Variants in KIF1B observed in about 807,000 individuals in gnomAD.
KIF1B encodes kinesin family member 1B, also known as kinesin-like protein KIF1B.
Under a neutral mutation model 241.9 loss-of-function variants are expected in KIF1B, and 76 were observed. That is an observed-to-expected ratio of 0.31 (90% CI 0.26 to 0.38). The LOEUF (loss-of-function observed/expected upper bound fraction) is 0.38, where lower values mean the gene tolerates loss of function less well. Ranked by LOEUF, KIF1B falls within the 10% of genes least tolerant of loss-of-function variation. KIF1B has a pLI of 1.00. For missense variants in KIF1B, 1,622 were observed against 2,271.4 expected (o/e 0.71, Z 5.81); for synonymous variants, 750 against 796.7 (o/e 0.94, Z 0.99).
intron 15 of KIF1B, among the ~76,000 whole-genome samples, chr1:10,286,166 A>G (rs528657012): frequency 2.0e-5 from 3 of 152,062 alleles, no homozygotes; most frequent in Non-Finnish European, 2.9e-5. Context: ...CAGCCTTCTG[A>G]GAAGCTGGGA....
chr1:10,288,559 G>A (rs1200501425), intron 15 of KIF1B, among the ~76,000 whole-genome samples: 3 of 152,138 alleles, frequency 2.0e-5, no homozygotes, highest in Admixed American at 2.0e-4. Context: ...CCCAACTGCA[G>A]ACTTGTTCTA....
chr1:10,346,240 T>C (rs1652584871), intron 35 of KIF1B, among the ~76,000 whole-genome samples: 1 of 152,078 alleles, frequency 6.6e-6, no homozygotes, highest in Non-Finnish European at 1.5e-5. Context: ...AATTGATTTT[T>C]GGTGGTCTTG....
Position 10,295,649 on chromosome 1 carries a change from C to T in KIF1B, c.1671-11C>T. 1 of 1,611,530 alleles carries T rather than the reference C, an allele frequency of 6.2e-7. No homozygotes were observed. The highest frequency in any genetic ancestry group is 8.5e-7 in the Non-Finnish European group (1 of 1,178,138). On this transcript the variant is annotated splice_polypyrimidine_tract_variant and intron_variant, in intron 18 of 48. Transcript: ENST00000676179. ...TGAATTTCCCTGGGAAACACTTTCT[C>T]TTGTGTTCAGGGTTGGCCAAGCAGA...
chr1:10,261,364 G>A (rs979549211), intron 4 of KIF1B, among the ~76,000 whole-genome samples: 18 of 151,230 alleles, frequency 1.2e-4, no homozygotes, highest in African/African-American at 4.4e-4. Flanking sequence ...TCCGCCTCCT[G>A]GGTTCAAGCG....
chr1:10,308,252 G>C (rs1650922150), intron 22 of KIF1B: 4 of 1,060,518 alleles, frequency 3.8e-6, no homozygotes, highest in South Asian at 9.1e-5. Context: ...TGCAAAACAA[G>C]CATTTGTCCT....
intron 36 of KIF1B, among the ~76,000 whole-genome samples, chr1:10,348,264 C>G (rs1261874265): frequency 6.6e-6 from 1 of 151,972 alleles, no homozygotes; most frequent in Non-Finnish European, 1.5e-5. Context: ...AGTCAGTGTT[C>G]AAAAGTACTT....
At position 10,307,628 on chromosome 1, in the gene KIF1B, G is replaced by A. The variant is rs141358777; in HGVS notation, c.2115+10382G>A. 306 of 1,013,674 alleles carry A rather than the reference G, an allele frequency of 3.0e-4. 3 individuals are homozygous for A. In the African/African-American group the frequency reaches 4.9e-3, roughly 16 times the overall value. 62.8% of individuals were successfully genotyped at this position (1,013,674 alleles called of 1,614,324 possible). A position where few individuals can be genotyped will look rare whatever the true frequency, so the allele number is the denominator to read the frequency against. ...CCTGGCCTGTTTGTTTTTTTAACAT[G>A]ATTTTTCTCTAAGCTTAAATACCAC... On this transcript the variant is annotated intron_variant, in intron 22 of 48. Coordinates refer to ENST00000676179, the MANE Select transcript of KIF1B (RefSeq NM_001365951.3).
intron 22 of KIF1B, among the ~76,000 whole-genome samples, chr1:10,298,459 A>G (rs1234663152): frequency 6.6e-6 from 1 of 152,238 alleles, no homozygotes; most frequent in Admixed American, 6.5e-5. Context: ...AGCCCTAAAA[A>G]GAATGGATTG....
intron 5 of KIF1B, among the ~76,000 whole-genome samples, chr1:10,262,466 C>G (rs1053860757): frequency 1.4e-4 from 22 of 152,264 alleles, no homozygotes; most frequent in African/African-American, 5.3e-4. Context: ...AATCTTTGTT[C>G]ATAAGTCTGT....
chr1:10,232,779 GT>G (rs1024186040), intron 2 of KIF1B, among the ~76,000 whole-genome samples: 11 of 152,114 alleles, frequency 7.2e-5, no homozygotes, highest in African/African-American at 2.7e-4. Flanking sequence ...AAGATTCATT[GT>G]TTTTCTTTCT....
intron 9 of KIF1B, among the ~76,000 whole-genome samples, chr1:10,272,708 G>T (rs1648867308): frequency 6.7e-6 from 1 of 148,638 alleles, no homozygotes; most frequent in African/African-American, 2.5e-5. Flanking sequence ...TGATTTGAGG[G>T]CCAGTAGTTT....
chr1:10,338,399 A>G (rs546496226), intron 31 of KIF1B, among the ~76,000 whole-genome samples: 2 of 152,358 alleles, frequency 1.3e-5, no homozygotes, highest in South Asian at 4.1e-4. Flanking sequence ...TAAGCCACTA[A>G]TATCATTTGC....
chr1:10,323,535 T>A (rs913309355), intron 24 of KIF1B, among the ~76,000 whole-genome samples: 2 of 152,062 alleles, frequency 1.3e-5, no homozygotes, highest in African/African-American at 2.4e-5. Flanking sequence ...GATGGTAGGA[T>A]CACCTGAGCC....
intron 5 of KIF1B, among the ~76,000 whole-genome samples, chr1:10,266,092 G>C (rs1211328859): frequency 6.6e-6 from 1 of 152,168 alleles, no homozygotes; most frequent in Non-Finnish European, 1.5e-5. Context: ...CTAGTTCAGA[G>C]CCTTGTTTGC....
chr1:10,374,811 T>A lies in KIF1B; in HGVS notation c.5097-43T>A. 6.3e-7 allele frequency: 1 copy of A among 1,586,574 alleles called. No individual in the cohort carries two copies. Among genetic ancestry groups the A allele is most frequent in the Non-Finnish European group, 8.7e-7 (1 of 1,155,166 alleles). On this transcript the variant is annotated intron_variant, in intron 46 of 48. Coordinates refer to ENST00000676179, the MANE Select transcript of KIF1B (RefSeq NM_001365951.3). The surrounding 1 kb of genome is among the most constrained non-coding windows in gnomAD (Gnocchi z 4.3). ...TTGATGGTCCTCAGCACGATTATTT[T>A]CTTTTTGTGAGAAACTAACTTTTGT...
chr1:10,240,154 A>C (rs1196912466), intron 2 of KIF1B, among the ~76,000 whole-genome samples: 3 of 151,796 alleles, frequency 2.0e-5, no homozygotes, highest in Non-Finnish European at 4.4e-5. Flanking sequence ...CGCCCGCCTC[A>C]GCCTCCCAAA....
At chr1:10,244,445 G>C (rs1476396197) in intron 2 of KIF1B, among the ~76,000 whole-genome samples, 1 of 150,698 alleles carries the variant, frequency 6.6e-6, no homozygotes, top group Non-Finnish European at 1.5e-5. Context: ...CTACCAAGTA[G>C]CTAGGCTTAC....
intron 2 of KIF1B, among the ~76,000 whole-genome samples, chr1:10,245,189 T>A (rs1413772905): frequency 2.6e-5 from 4 of 152,188 alleles, no homozygotes; most frequent in Non-Finnish European, 5.9e-5. Flanking sequence ...TGCCTTATTT[T>A]CTAGGGCTCA....
chr1:10,325,252 C>T (rs974592306), intron 26 of KIF1B, among the ~76,000 whole-genome samples: 2 of 152,192 alleles, frequency 1.3e-5, no homozygotes, highest in Non-Finnish European at 2.9e-5. Context: ...ACAATCTCTT[C>T]GTGATCTGAT....
Sources: allele counts gnomAD v4.1 joint callset (sites outside exome capture counted in the v4.1 genomes callset), GRCh38; gene constraint gnomAD v4.1.1; non-coding constraint Gnocchi (gnomAD v3.1); transcripts MANE v1.5; gene names NCBI Gene and HGNC (gene_info 2026-07-23, HGNC 2026-07-21).